Variants in PDE11A observed in about 807,000 individuals in gnomAD.
PDE11A encodes dual 3',5'-cyclic-AMP and -GMP phosphodiesterase 11A.
A neutral mutation model predicts 100.5 loss-of-function variants in PDE11A; 100 were observed. The observed-to-expected ratio is 1.00, with a 90% CI of 0.85 to 1.18. PDE11A has a LOEUF of 1.18. Ranked by LOEUF, PDE11A falls within the 50% of genes most tolerant of loss-of-function variation. The pLI is 0.00. For missense variants in PDE11A, 1,141 were observed against 1,152.6 expected, an observed-to-expected ratio of 0.99 and a Z score of 0.15; for synonymous variants, 381 against 420.8, an observed-to-expected ratio of 0.91 and a Z score of 1.16.
intron 2 of PDE11A, among the ~76,000 whole-genome samples, chr2:177,936,152 G>A (rs535289476): frequency 1.2e-4 from 18 of 152,256 alleles, no homozygotes; most frequent in African/African-American, 3.4e-4. Flanking sequence ...AAAGGAAAGC[G>A]CCTGTTTTAC....
At chr2:177,878,278 T>C (rs1431462292) in intron 4 of PDE11A, among the ~76,000 whole-genome samples, 3 of 152,190 alleles carry the variant, frequency 2.0e-5, no homozygotes, top group African/African-American at 7.2e-5. Flanking sequence ...CCCATATTCT[T>C]CTCTTCCATG....
chr2:177,772,493 G>T (rs1465977502), intron 9 of PDE11A, among the ~76,000 whole-genome samples: 1 of 152,058 alleles, frequency 6.6e-6, no homozygotes, highest in East Asian at 1.9e-4. Flanking sequence ...CAGATGAATT[G>T]ATTTTGCTCT....
intron 1 of PDE11A, among the ~76,000 whole-genome samples, chr2:178,068,463 C>T (rs1426948274): frequency 6.6e-6 from 1 of 151,750 alleles, no homozygotes; most frequent in African/African-American, 2.4e-5. Context: ...TATTAGGAAC[C>T]CCCAAGAGTA....
chr2:177,697,483 G>T, intron 14 of PDE11A, 51 bp from the exon 15 acceptor site: 1 of 887,848 alleles, frequency 1.1e-6, no homozygotes, highest in South Asian at 1.3e-5. Flanking sequence ...TGTGGTTGTT[G>T]ATTACATGTT....
chr2:177,635,755 G>T (rs1356247128), intron 19 of PDE11A, among the ~76,000 whole-genome samples: 1 of 151,926 alleles, frequency 6.6e-6, no homozygotes, highest in African/African-American at 2.4e-5. Context: ...AAATATATTT[G>T]CCCCTTTTTA....
chr2:177,772,851 CT>C (rs986068750), intron 9 of PDE11A, among the ~76,000 whole-genome samples: 14 of 152,074 alleles, frequency 9.2e-5, no homozygotes, highest in Admixed American at 5.9e-4. Flanking sequence ...TGTAGGAGTT[CT>C]TTGTATATTT....
chr2:177,725,687 T>C (rs552529118), intron 12 of PDE11A, among the ~76,000 whole-genome samples: 4 of 152,266 alleles, frequency 2.6e-5, no homozygotes, highest in South Asian at 4.1e-4. Flanking sequence ...AAGAATTCTA[T>C]TCTCTTCAAT....
At chr2:177,904,815 A>T (rs1201618860) in intron 3 of PDE11A, among the ~76,000 whole-genome samples, 2 of 152,144 alleles carry the variant, frequency 1.3e-5, no homozygotes, top group African/African-American at 4.8e-5. Context: ...TGGCCTCCCA[A>T]AGTGCTAGGA....
intron 2 of PDE11A, among the ~76,000 whole-genome samples, chr2:177,971,226 T>TACAAAA (rs1315494608): frequency 6.6e-6 from 1 of 152,228 alleles, no homozygotes; most frequent in Non-Finnish European, 1.5e-5. Flanking sequence ...GAGCCGGCTA[T>TACAAAA]TTCATAACAA....
chr2:177,955,047 G>C (rs1197453962), intron 2 of PDE11A, among the ~76,000 whole-genome samples: 1 of 152,108 alleles, frequency 6.6e-6, no homozygotes, highest in Non-Finnish European at 1.5e-5. Flanking sequence ...TTAGAAAGCT[G>C]CTTCCAAAAA....
chr2:178,018,483 C>T (rs1291710265), intron 1 of PDE11A: 4 of 500,316 alleles, frequency 8.0e-6, no homozygotes, highest in Non-Finnish European at 1.2e-5. Flanking sequence ...GACTTAACAC[C>T]TTAAAAAGTA....
At chr2:177,803,189 T>G (rs929671922) in intron 9 of PDE11A, among the ~76,000 whole-genome samples, 1 of 151,612 alleles carries the variant, frequency 6.6e-6, no homozygotes, top group Non-Finnish European at 1.5e-5. Context: ...GAAGCTCAGA[T>G]AGAATAAGAT....
chr2:178,055,927 TA>T (rs757752227), intron 1 of PDE11A, among the ~76,000 whole-genome samples: 3 of 152,160 alleles, frequency 2.0e-5, no homozygotes, highest in Non-Finnish European at 2.9e-5. Context: ...CCTGGGGTGA[TA>T]TTTTTTTAAA....
At chr2:177,788,462 C>G (rs1386314639) in intron 9 of PDE11A, among the ~76,000 whole-genome samples, 2 of 151,602 alleles carry the variant, frequency 1.3e-5, no homozygotes, top group African/African-American at 2.4e-5. Flanking sequence ...AACACCCTAA[C>G]ATCACAATTA....
At chr2:177,722,142 A>C (rs1342515923) in intron 12 of PDE11A, among the ~76,000 whole-genome samples, 1 of 152,172 alleles carries the variant, frequency 6.6e-6, no homozygotes, top group East Asian at 1.9e-4. Context: ...CTTTAATCAA[A>C]AATCCTATAT....
At chr2:177,701,238 C>A in intron 13 of PDE11A, 27 bp from the exon 14 acceptor site, 3 of 1,116,914 alleles carry the variant, frequency 2.7e-6, no homozygotes, top group South Asian at 1.2e-5. Flanking sequence ...GGTGAGTGAG[C>A]AGGGCCTATC....
chr2:178,076,029 A>C (rs1413134994), upstream of PDE11A, among the ~76,000 whole-genome samples: 1 of 152,190 alleles, frequency 6.6e-6, no homozygotes, highest in Non-Finnish European at 1.5e-5. Context: ...CAGTCTATAA[A>C]GCCCCCTCAG....
At chr2:177,680,931 A>AC in intron 15 of PDE11A, 28 bp from the exon 16 acceptor site, 1 of 1,315,372 alleles carries the variant, frequency 7.6e-7, no homozygotes, top group Non-Finnish European at 1.1e-6. Flanking sequence ...GAAGAAAGAA[A>AC]GAAAAAAAAA....
intron 16 of PDE11A, among the ~76,000 whole-genome samples, chr2:177,676,911 T>C (rs1433481339): frequency 6.6e-6 from 1 of 152,194 alleles, no homozygotes; most frequent in Non-Finnish European, 1.5e-5. Context: ...TCATTTTCCC[T>C]TCCCAAGGTG....
Sources: allele counts gnomAD v4.1 joint callset (sites outside exome capture counted in the v4.1 genomes callset), GRCh38; gene constraint gnomAD v4.1.1; transcripts MANE v1.5; gene names NCBI Gene and HGNC (gene_info 2026-07-23, HGNC 2026-07-21).